Variants in POMT2 observed in about 807,000 individuals in gnomAD.
POMT2 encodes protein O-mannosyl-transferase 2.
A neutral mutation model predicts 100.0 loss-of-function variants in POMT2; 75 were observed. The observed-to-expected ratio is 0.75, with a 90% confidence interval of 0.62 to 0.91. The LOEUF (loss-of-function observed/expected upper bound fraction) is 0.91, where lower values mean the gene tolerates loss of function less well. Ranked by LOEUF, POMT2 falls within the 40% of genes least tolerant of loss-of-function variation. The pLI, the probability that POMT2 is intolerant of heterozygous loss-of-function variation, is 0.00. For synonymous variants in POMT2, 378 were observed against 374.1 expected (o/e 1.01, Z -0.12); for missense variants, 940 against 955.1 (o/e 0.98, Z 0.21).
intron 2 of POMT2, 68 bp downstream of exon 2, chr14:77,311,881 A>G: frequency 6.4e-7 from 1 of 1,571,522 alleles, no homozygotes; most frequent in Non-Finnish European, 8.6e-7. Flanking sequence ...TCCAAAATCA[A>G]GATGTGGCTC....
chr14:77,317,207 T>C (rs1227255812), intron 1 of POMT2, among the ~76,000 whole-genome samples: 2 of 152,192 alleles, frequency 1.3e-5, no homozygotes, highest in East Asian at 1.9e-4. Context: ...GGAAGCCACA[T>C]TGCAAGGGGC....
chr14:77,296,309 C>T (rs1306704483), intron 8 of POMT2, 36 bp from the exon 9 acceptor site: 1 of 1,460,912 alleles, frequency 6.8e-7, no homozygotes, highest in Admixed American at 1.9e-5. Context: ...GGTGAGCTGG[C>T]ACAGTGCCAG....
intron 2 of POMT2, among the ~76,000 whole-genome samples, chr14:77,310,241 T>G (rs1891390335): frequency 6.6e-6 from 1 of 152,214 alleles, no homozygotes; most frequent in Non-Finnish European, 1.5e-5. Context: ...TGTGGTGTCA[T>G]GATTAAGAGA....
chr14:77,318,750 T>TC (rs1186274971), intron 1 of POMT2, among the ~76,000 whole-genome samples: 5 of 151,830 alleles, frequency 3.3e-5, no homozygotes, highest in Admixed American at 6.6e-5. Flanking sequence ...TTTTTTTTTT[T>TC]TTTGAGACAG....
chr14:77,304,571 C>T (rs1891159209), intron 4 of POMT2, 121 bp downstream of exon 4: 2 of 1,483,430 alleles, frequency 1.3e-6, no homozygotes, highest in African/African-American at 1.4e-5. Flanking sequence ...ACATTTTACC[C>T]AATCCTAAAA....
rs1185491348 is a variant in POMT2 at position 77,285,041 on chromosome 14, CCT to C, written c.1485-2_1485-1del. ...AAGTAACTTCCAACTGCTCCCAGCCCCTGTGAAAAGCAGAAGTCACAGATGTC... is the reference window on the plus strand; with the variant it reads ...AAGTAACTTCCAACTGCTCCCAGCCCGTGAAAAGCAGAAGTCACAGATGTC... On this transcript the variant is annotated splice_acceptor_variant, in intron 13 of 20. Transcript: ENST00000261534. LOFTEE classifies it high-confidence loss of function. 8 of 1,608,638 alleles carry C rather than the reference CCT, an allele frequency of 5.0e-6. No homozygotes were observed. Among genetic ancestry groups the C allele is most frequent in the South Asian group, 1.1e-5 (1 of 90,926 alleles).
intron 1 of POMT2, among the ~76,000 whole-genome samples, chr14:77,312,861 G>A (rs1891489387): frequency 6.6e-6 from 1 of 152,192 alleles, no homozygotes; most frequent in Admixed American, 6.5e-5. Context: ...CCTGTGACAA[G>A]TAAGCTGCTA....
chr14:77,280,554 A>C, intron 15 of POMT2, 91 bp from the exon 16 acceptor site: 1 of 1,593,894 alleles, frequency 6.3e-7, no homozygotes, highest in Middle Eastern at 1.7e-4. Context: ...TATAGGGCCA[A>C]GCGCCGAGCA....
chr14:77,279,954 T>A, intron 17 of POMT2, 26 bp from the exon 18 acceptor site: 1 of 1,614,130 alleles, frequency 6.2e-7, no homozygotes, highest in East Asian at 2.2e-5. Flanking sequence ...AATGGGCAGA[T>A]GAGAACGCAG....
chr14:77,289,419 C>T (rs1487970653), intron 10 of POMT2, among the ~76,000 whole-genome samples: 7 of 110,684 alleles, frequency 6.3e-5, no homozygotes, highest in Non-Finnish European at 1.0e-4. Flanking sequence ...AAAACTCCTT[C>T]GATGAATAGC....
At chr14:77,318,897 G>A (rs918194507) in intron 1 of POMT2, among the ~76,000 whole-genome samples, 53 of 152,072 alleles carry the variant, frequency 3.5e-4, no homozygotes, top group African/African-American at 1.1e-3. Flanking sequence ...CATCATGCCC[G>A]GCTAAGTCTT....
At chr14:77,312,134 A>C in intron 1 of POMT2, 101 bp from the exon 2 acceptor site, 2 of 1,503,704 alleles carry the variant, frequency 1.3e-6, no homozygotes, top group Non-Finnish European at 1.8e-6. Flanking sequence ...TGCATTTCAA[A>C]CAATTAATGC....
intron 2 of POMT2, among the ~76,000 whole-genome samples, chr14:77,310,972 G>A (rs1310138362): frequency 6.6e-6 from 1 of 152,114 alleles, no homozygotes. Context: ...CGTCTCTACT[G>A]AAAATACAAA....
intron 9 of POMT2, among the ~76,000 whole-genome samples, chr14:77,291,886 A>G (rs1350301625): frequency 2.0e-5 from 3 of 152,136 alleles, no homozygotes; most frequent in Non-Finnish European, 4.4e-5. Context: ...TACAAAAATT[A>G]GCCGGGCATG....
chr14:77,292,445 GAAGTT>G (rs1339866078), intron 9 of POMT2, among the ~76,000 whole-genome samples: 2 of 152,218 alleles, frequency 1.3e-5, no homozygotes, highest in Non-Finnish European at 2.9e-5. Context: ...CAAGGAAACT[GAAGTT>G]AAGTAATTTG....
rs1891223752 is a variant in POMT2 at position 77,306,217 on chromosome 14, C to T, written c.438+120G>A. The T allele has an allele frequency of 5.2e-6, 8 of 1,524,880 alleles. No homozygotes were observed. The Middle Eastern group carries it at 6.1e-4, about 116-fold the overall frequency. 94.5% of individuals were successfully genotyped at this position (1,524,880 alleles called of 1,614,324 possible). ...GAGGGTCTGATCATCCTCCCCTCTC[C>T]TCACCACCCAAAGTCCCTTTATTTG... On this transcript the variant is annotated intron_variant, in intron 3 of 20. Coordinates refer to ENST00000261534, the MANE Select transcript of POMT2 (RefSeq NM_013382.7).
intron 9 of POMT2, among the ~76,000 whole-genome samples, chr14:77,291,763 T>C (rs1890649557): frequency 6.6e-6 from 1 of 152,206 alleles, no homozygotes; most frequent in Non-Finnish European, 1.5e-5. Context: ...CCGGGTGTGG[T>C]GGCTCATGCC....
chr14:77,314,459 C>A (rs1452679703), intron 1 of POMT2, among the ~76,000 whole-genome samples: 1 of 152,220 alleles, frequency 6.6e-6, no homozygotes, highest in African/African-American at 2.4e-5. Context: ...CAGTGACAGG[C>A]TAACTTATTA....
chr14:77,305,348 G>T (rs1475739395), intron 3 of POMT2, among the ~76,000 whole-genome samples: 6 of 152,092 alleles, frequency 3.9e-5, no homozygotes, highest in African/African-American at 1.4e-4. Flanking sequence ...ATACCTGTTT[G>T]GTTTTTTGTT....
Sources: allele counts gnomAD v4.1 joint callset (sites outside exome capture counted in the v4.1 genomes callset), GRCh38; gene constraint gnomAD v4.1.1; transcripts MANE v1.5; gene names NCBI Gene and HGNC (gene_info 2026-07-23, HGNC 2026-07-21).